The following MAK variants were observed in gnomAD, a reference collection of about 807,000 sequenced individuals.
MAK encodes male germ cell associated kinase.
MAK carries 65 observed loss-of-function variants against 82.6 expected under a neutral mutation model. The observed-to-expected ratio is 0.79, with a 90% CI of 0.64 to 0.97. MAK has a LOEUF of 0.97. Among genes scored for constraint, MAK ranks in the 50% least tolerant of loss-of-function variants. The pLI is 0.00. For synonymous variants in MAK, 250 were observed against 274.2 expected (o/e 0.91, Z 0.87); for missense variants, 703 against 780.2 (o/e 0.90, Z 1.18).
chr6:10,768,347 G>A (rs1772660602), intron 14 of MAK, among the ~76,000 whole-genome samples: 1 of 152,202 alleles, frequency 6.6e-6, no homozygotes, highest in Admixed American at 6.5e-5. Flanking sequence ...GGAGGCTGAG[G>A]CAGGTGAATC....
intron 11 of MAK, among the ~76,000 whole-genome samples, chr6:10,778,165 C>T (rs1404338864): frequency 6.6e-6 from 1 of 152,128 alleles, no homozygotes; most frequent in Non-Finnish European, 1.5e-5. Flanking sequence ...TTACTGAGCA[C>T]CTACCAGTGC....
chr6:10,828,109 T>G (rs765932871), intron 2 of MAK, among the ~76,000 whole-genome samples: 75 of 152,252 alleles, frequency 4.9e-4, no homozygotes, highest in Admixed American at 1.0e-3. Flanking sequence ...GTATATTATA[T>G]ATTTACTTAT....
chr6:10,832,961 G>A (rs942967890), intron 1 of MAK, among the ~76,000 whole-genome samples: 3 of 152,146 alleles, frequency 2.0e-5, no homozygotes, highest in Non-Finnish European at 2.9e-5. Flanking sequence ...CTTTATTGCC[G>A]TGGTCTGGAG....
intron 11 of MAK, chr6:10,779,202 T>G (rs114165853): frequency 0.016 from 4,294 of 269,370 alleles, 208 homozygotes; most frequent in African/African-American, 0.091. Flanking sequence ...TGGCATCGAT[T>G]CATGCCCAGA....
chr6:10,810,608 G>A lies in MAK; in HGVS notation c.359-1666C>T, dbSNP rs1001144979. On this transcript the variant is annotated intron_variant, in intron 5 of 14. Coordinates refer to ENST00000354489, the MANE Select transcript of MAK (RefSeq NM_001242957.3). ...CCTGCTTCACCCTCCCAAAGTGCTG[G>A]GATTACAGGTGTGAGCCACCACGGC... Among the ~76,000 whole-genome samples, 3 of 152,126 alleles carry A rather than the reference G, an allele frequency of 2.0e-5. No homozygotes were observed. The East Asian group carries it at 5.8e-4, about 29-fold the overall frequency.
intron 2 of MAK, among the ~76,000 whole-genome samples, chr6:10,826,117 T>TCG (rs1299615508): frequency 3.9e-5 from 6 of 152,168 alleles, no homozygotes; most frequent in African/African-American, 1.2e-4. Flanking sequence ...TCTGCCCCAC[T>TCG]CGTAATCCAC....
In MAK at chr6:10,798,799, ATTATTTATTTATTTATTTAT is replaced by A. The variant is rs59455975; in HGVS notation, c.832-2510_832-2491del. On this transcript the variant is annotated intron_variant, in intron 8 of 14. Transcript: ENST00000354489. Reference sequence around the variant, plus strand: ...ATGCACATAACCTAAGTTTAGAAACATTATTTATTTATTTATTTATTTATTTATTTATTTATTTATTTATT... The same window carrying A: ...ATGCACATAACCTAAGTTTAGAAACATTATTTATTTATTTATTTATTTATT... Among the ~76,000 whole-genome samples, 580 of 145,010 alleles carry A rather than the reference ATTATTTATTTATTTATTTAT, an allele frequency of 4.0e-3. 4 individuals carry two copies. Among genetic ancestry groups the A allele is most frequent in the Middle Eastern group, 0.021 (6 of 288 alleles).
intron 1 of MAK, among the ~76,000 whole-genome samples, chr6:10,832,320 C>T (rs926351738): frequency 1.3e-5 from 2 of 152,226 alleles, no homozygotes; most frequent in Admixed American, 6.5e-5. Context: ...AAAGCAGTGG[C>T]AGGATGTGAG....
intron 10 of MAK, among the ~76,000 whole-genome samples, chr6:10,787,858 CAAAAAA>C (rs56983445): frequency 7.7e-6 from 1 of 129,838 alleles, no homozygotes; most frequent in Non-Finnish European, 1.7e-5. Flanking sequence ...GAGACTGTCT[CAAAAAA>C]AAAAAAAAAA....
At chr6:10,807,048 A>G (rs1260332739) in intron 6 of MAK, among the ~76,000 whole-genome samples, 1 of 152,038 alleles carries the variant, frequency 6.6e-6, no homozygotes, top group Non-Finnish European at 1.5e-5. Context: ...CAGCAGGTCC[A>G]AGTCACTATC....
chr6:10,837,059 A>G (rs1304185700), intron 1 of MAK, among the ~76,000 whole-genome samples: 2 of 152,346 alleles, frequency 1.3e-5, no homozygotes, highest in South Asian at 2.1e-4. Context: ...ATTAGCAAAG[A>G]GGGCAAATGA....
intron 13 of MAK, among the ~76,000 whole-genome samples, chr6:10,771,652 G>A (rs1017610519): frequency 2.0e-5 from 3 of 152,174 alleles, no homozygotes; most frequent in Non-Finnish European, 4.4e-5. Flanking sequence ...TGTCTCTCAC[G>A]GCATATCAGG....
chr6:10,799,549 G>A (rs573175), intron 8 of MAK, among the ~76,000 whole-genome samples: 122,052 of 152,120 alleles, frequency 0.8, 48,942 homozygotes, highest in East Asian at 0.86. Context: ...CGAGACCAGG[G>A]GTTTGAGACC....
At chr6:10,837,356 T>C (rs1460410448) in intron 1 of MAK, among the ~76,000 whole-genome samples, 1 of 152,192 alleles carries the variant, frequency 6.6e-6, no homozygotes, top group African/African-American at 2.4e-5. Flanking sequence ...GTGCTCATAT[T>C]CACAAATTAT....
intron 10 of MAK, among the ~76,000 whole-genome samples, chr6:10,790,690 A>C (rs752264370): frequency 1.1e-4 from 17 of 152,254 alleles, no homozygotes; most frequent in Admixed American, 2.6e-4. Flanking sequence ...TCAAATGGGA[A>C]TAATGATTGT....
At chr6:10,770,083 A>C in intron 14 of MAK, 28 bp downstream of exon 14, 2 of 1,614,182 alleles carry the variant, frequency 1.2e-6, no homozygotes, top group Non-Finnish European at 1.7e-6. Flanking sequence ...CTAGGAATCT[A>C]GAAAACTGTA....
intron 14 of MAK, 107 bp from the exon 15 acceptor site, chr6:10,764,713 T>A: frequency 9.0e-7 from 1 of 1,116,726 alleles, no homozygotes; most frequent in Non-Finnish European, 1.4e-6. Context: ...AATTTATGTT[T>A]AAAAGATTAA....
intron 13 of MAK, among the ~76,000 whole-genome samples, chr6:10,771,104 G>A (rs933626159): frequency 6.6e-6 from 1 of 152,122 alleles, no homozygotes; most frequent in Non-Finnish European, 1.5e-5. Flanking sequence ...GCAGGCAGAG[G>A]GCAAGTGGGC....
At chr6:10,816,173 G>A (rs904162003) in intron 4 of MAK, among the ~76,000 whole-genome samples, 4 of 151,694 alleles carry the variant, frequency 2.6e-5, no homozygotes, top group Non-Finnish European at 5.9e-5. Context: ...CTGGGCTCAA[G>A]CAATCTTCTC....
Sources: gnomAD v4.1 joint callset for allele counts (sites outside exome capture counted in the v4.1 genomes callset) on GRCh38, gnomAD v4.1.1 for gene constraint, MANE v1.5 for transcripts, NCBI Gene and HGNC (gene_info 2026-07-23, HGNC 2026-07-21) for gene names.